The following RPS6 variants were observed in gnomAD, a reference collection of about 807,000 sequenced individuals.
RPS6 encodes the protein ribosomal protein S6, also known as small ribosomal subunit protein eS6.
A neutral mutation model predicts 27.1 loss-of-function variants in RPS6; 1 was observed. The observed-to-expected ratio is 0.04, with a 90% CI of 0.01 to 0.18. The LOEUF (loss-of-function observed/expected upper bound fraction) is 0.18. Ranked by LOEUF, RPS6 falls within the 10% of genes least tolerant of loss-of-function variation. The probability of loss-of-function intolerance (pLI) is 1.00; values close to 1 mark genes in which losing one functional copy is unlikely to be tolerated. For missense variants in RPS6, 259 were observed against 319.1 expected (o/e 0.81, Z 1.44); for synonymous variants, 152 against 106.0 (o/e 1.43, Z -2.66).
At chr9:19,377,431 AG>A (rs1829607173) in intron 4 of RPS6, among the ~76,000 whole-genome samples, 1 of 146,716 alleles carries the variant, frequency 6.8e-6, no homozygotes, top group Non-Finnish European at 1.5e-5. Context: ...TCATAAGGGT[AG>A]GAATTTGTCT....
chr9:19,379,078 A>G (rs1829636344), intron 2 of RPS6, 160 bp from the exon 3 acceptor site: 2 of 823,184 alleles, frequency 2.4e-6, no homozygotes, highest in South Asian at 3.8e-5. Flanking sequence ...TTTTGTCTAT[A>G]TTCCCAACTT....
intron 4 of RPS6, 108 bp from the exon 5 acceptor site, chr9:19,376,759 T>C: frequency 9.5e-7 from 1 of 1,050,438 alleles, no homozygotes; most frequent in Non-Finnish European, 1.3e-6. Flanking sequence ...TATGAAAACC[T>C]ATAATGAGGC....
Position 19,378,513 on chromosome 9 carries a change from T to C in RPS6, c.351A>G (p.Gly117=). The C allele has an allele frequency of 6.2e-7, 1 of 1,610,804 alleles. No individual in the cohort carries two copies. Among genetic ancestry groups the C allele is most frequent in the South Asian group, 1.1e-5 (1 of 90,192 alleles). Residue 117 remains glycine (G), a splice_region_variant and synonymous_variant, in exon 4 of 6, where the codon GGA becomes GGG. Coordinates refer to ENST00000380394, the MANE Select transcript of RPS6 (RefSeq NM_001010.3). ...CAGTCAGTCCAGGAATATCCTTCTC[T>C]CCTTAGAAGAAACAGTTGAAGAGAT... The part of the protein sequence containing the change: ...SVLNLVIVKK[G]EKDIPGLTDT...
intron 4 of RPS6, 143 bp from the exon 5 acceptor site, chr9:19,376,794 C>G: frequency 2.9e-6 from 2 of 689,132 alleles, no homozygotes; most frequent in Non-Finnish European, 4.4e-6. Flanking sequence ...CAGAACTATT[C>G]TAAAATGCTT....
intron 1 of RPS6, 97 bp downstream of exon 1, chr9:19,380,093 G>C: frequency 1.1e-5 from 17 of 1,613,570 alleles, no homozygotes; most frequent in Non-Finnish European, 1.4e-5. Context: ...TCCACCTAAA[G>C]CCAGGATCCT....
Position 19,376,018 on chromosome 9 carries a change from C to T in RPS6, c.*275G>A, listed in dbSNP as rs1282546685. The T allele has an allele frequency of 3.2e-6, 1 of 308,734 alleles. No individual in the cohort carries two copies. The highest frequency in any genetic ancestry group is 7.5e-5 in the South Asian group (1 of 13,294). The allele number at this position is 308,734 out of a possible 1,614,324, so 19.1% of individuals were successfully genotyped here. On this transcript the variant is annotated 3_prime_UTR_variant, in exon 6 of 6. Transcript: ENST00000380394. The stretch of plus-strand genomic sequence containing the variant: ...AAGATTAATAGTCCTCATCATTTCC[C>T]CTAAGTTCCATGCCATTCTGAAGAG...
chr9:19,379,401 G>A (rs753007354), intron 2 of RPS6, 86 bp downstream of exon 2: 203 of 1,578,080 alleles, frequency 1.3e-4, no homozygotes, highest in Non-Finnish European at 1.7e-4. Context: ...CCAGAACCCG[G>A]AGTCTGAACC....
chr9:19,379,649 G>A (rs1459203060), intron 1 of RPS6, 31 bp from the exon 2 acceptor site: 5 of 1,598,710 alleles, frequency 3.1e-6, no homozygotes, highest in Non-Finnish European at 3.4e-6. Flanking sequence ...AATAGTTTAC[G>A]AAACTATCTA....
chr9:19,379,930 T>C (rs1248339341), intron 1 of RPS6: 1 of 1,430,276 alleles, frequency 7.0e-7, no homozygotes, highest in African/African-American at 1.4e-5. Context: ...TGCCGCAAAC[T>C]GGGCAACACG....
At chr9:19,380,109 G>A (rs1036481503) in intron 1 of RPS6, 81 bp downstream of exon 1, 2 of 1,613,934 alleles carry the variant, frequency 1.2e-6, no homozygotes, top group African/African-American at 1.3e-5. Context: ...ATCCTGGAGT[G>A]CTGGAACTGA....
At chr9:19,380,138 G>C in intron 1 of RPS6, 52 bp downstream of exon 1, 4 of 1,613,910 alleles carry the variant, frequency 2.5e-6, no homozygotes, top group Non-Finnish European at 3.4e-6. Context: ...CGCGTTCTGG[G>C]ACTCGATTCA....
chr9:19,376,756 A>G, intron 4 of RPS6, 105 bp from the exon 5 acceptor site: 1 of 1,129,490 alleles, frequency 8.9e-7, no homozygotes, highest in Middle Eastern at 2.5e-4. Flanking sequence ...ATCTATGAAA[A>G]CCTATAATGA....
intron 4 of RPS6, among the ~76,000 whole-genome samples, chr9:19,377,287 G>A (rs1829604298): frequency 6.6e-6 from 1 of 151,644 alleles, no homozygotes; most frequent in African/African-American, 2.4e-5. Flanking sequence ...TCCTACTATA[G>A]ACATAAGAAC....
rs1282054847 is a variant in RPS6, at chr9:19,375,857, A to G, written c.*436T>C. On this transcript the variant is annotated 3_prime_UTR_variant, in exon 6 of 6. Coordinates refer to ENST00000380394, the MANE Select transcript of RPS6 (RefSeq NM_001010.3). Reference sequence around the variant, plus strand: ...TTAGTGGATGGTATCCACTAAAACTAGGTATCCACTAAAACTATGCCTTAA... The same window carrying G: ...TTAGTGGATGGTATCCACTAAAACTGGGTATCCACTAAAACTATGCCTTAA... 8.7e-6 allele frequency: 1 copy of G among 114,406 alleles called. No homozygotes were observed. The highest frequency in any genetic ancestry group is 1.7e-5 in the Non-Finnish European group (1 of 57,256). The allele number at this position is 114,406 out of a possible 1,614,324, so 7.1% of individuals were successfully genotyped here.
intron 4 of RPS6, among the ~76,000 whole-genome samples, chr9:19,377,917 G>A (rs1287611001): frequency 1.3e-5 from 2 of 152,168 alleles, no homozygotes; most frequent in East Asian, 3.8e-4. Context: ...AGCACTTTGG[G>A]AAGCCAAAGT....
rs369466550 is a variant in RPS6, at chr9:19,378,820, C to T, written c.237G>A (p.Lys79=). 6 of 1,614,072 alleles carry T rather than the reference C, an allele frequency of 3.7e-6. No individual in the cohort carries two copies. The highest frequency in any genetic ancestry group is 5.1e-6 in the Non-Finnish European group (6 of 1,180,038). The stretch of plus-strand genomic sequence containing the variant: ...TCCTTGGTCTGTAACAGGAATGCCC[C>T]TTACTCAGTAGCAGGCGGACACGGC... The part of the protein sequence containing the change: ...THGRVRLLLS[K]GHSCYRPRRT... The change falls in exon 3 of 6, where the codon AAG becomes AAA. Residue 79 remains lysine (K), a synonymous_variant. Coordinates refer to ENST00000380394, the MANE Select transcript of RPS6 (RefSeq NM_001010.3).
At chr9:19,378,674 A>G (rs1829628840) in intron 3 of RPS6, 34 bp downstream of exon 3, 2 of 1,610,128 alleles carry the variant, frequency 1.2e-6, no homozygotes, top group Admixed American at 1.7e-5. Context: ...CTTTAAATCA[A>G]TTTCAACGAA....
intron 1 of RPS6, 91 bp from the exon 2 acceptor site, chr9:19,379,709 C>CT: frequency 6.6e-7 from 1 of 1,517,518 alleles, no homozygotes; most frequent in South Asian, 1.3e-5. Context: ...TGCAAAAAGC[C>CT]TTTCATGTTG....
intron 1 of RPS6, 131 bp from the exon 2 acceptor site, chr9:19,379,749 C>T: frequency 6.7e-7 from 1 of 1,496,472 alleles, no homozygotes; most frequent in South Asian, 1.4e-5. Context: ...TATAAGATGC[C>T]GACTGTACTC....
Sources: allele counts gnomAD v4.1 joint callset (sites outside exome capture counted in the v4.1 genomes callset), GRCh38; gene constraint gnomAD v4.1.1; transcripts MANE v1.5; gene names NCBI Gene and HGNC (gene_info 2026-07-23, HGNC 2026-07-21).